MRPS30: variants seen among roughly 807,000 people sequenced by gnomAD.
The protein encoded by MRPS30 is large ribosomal subunit protein mL65.
Under a neutral mutation model 43.8 loss-of-function variants are expected in MRPS30, and 42 were observed. The ratio of observed to expected loss-of-function variants is 0.96; its 90% CI spans 0.75 to 1.24. MRPS30 has a LOEUF of 1.24. Among genes scored for constraint, MRPS30 ranks in the 50% most tolerant of loss-of-function variants. The probability of loss-of-function intolerance (pLI) is 0.00; values close to 1 mark genes in which losing one functional copy is unlikely to be tolerated. For synonymous variants in MRPS30, 273 were observed against 228.2 expected, an observed-to-expected ratio of 1.20 and a Z score of -1.77; for missense variants, 638 against 570.0, an observed-to-expected ratio of 1.12 and a Z score of -1.22.
chr5:44,809,719 A>C, intron 1 of MRPS30, 156 bp downstream of exon 1: 1 of 787,212 alleles, frequency 1.3e-6, no homozygotes, highest in South Asian at 1.9e-5. Flanking sequence ...GTTTTGTAAC[A>C]GTCACTGCGT....
chr5:44,813,271 C>G lies in MRPS30; in HGVS notation c.1019C>G (p.Ala340Gly). The G allele has an allele frequency of 6.3e-7, 1 of 1,587,144 alleles. No individual in the cohort carries two copies. The highest frequency in any genetic ancestry group is 1.2e-5 in the South Asian group (1 of 85,196). The change falls in exon 4 of 5, where the codon GCT (alanine) becomes GGT (glycine). Residue 340 changes from alanine (A) to glycine (G), a missense_variant. Ala to Gly is a moderately conservative substitution (Grantham distance 60). Coordinates refer to ENST00000507110, the MANE Select transcript of MRPS30 (RefSeq NM_016640.4). ...ASLFAWTGAQAMYQGFWSEAD... is the reference protein window; with the variant it reads ...ASLFAWTGAQGMYQGFWSEAD... ...CTTTTTGCTTGGACTGGAGCACAAG[C>G]TATGTATCAAGGTAAAAATTAATTT...
Position 44,809,430 on chromosome 5 carries a change from C to T in MRPS30, c.468C>T (p.Tyr156=), listed in dbSNP as rs373661125. 42 of 1,613,478 alleles carry T rather than the reference C, an allele frequency of 2.6e-5. No homozygotes were observed. The African/African-American group carries it at 4.4e-4, about 17-fold the overall frequency. ...ACTGCCTGCTGCAGGAGCACTTCTACCTGCGGCGCAGGCGGCGCGTGCACC... is the reference window on the plus strand; with the variant it reads ...ACTGCCTGCTGCAGGAGCACTTCTATCTGCGGCGCAGGCGGCGCGTGCACC... The part of the protein sequence containing the change: ...ACDCLLQEHF[Y]LRRRRRVHRY... The change falls in exon 1 of 5, where the codon TAC becomes TAT. Residue 156 remains tyrosine (Y), a synonymous_variant. Transcript: ENST00000507110.
At chr5:44,813,075 T>G in intron 3 of MRPS30, 31 bp from the exon 4 acceptor site, 1 of 1,601,724 alleles carries the variant, frequency 6.2e-7, no homozygotes, top group Non-Finnish European at 8.5e-7. Flanking sequence ...CATGTTTGTT[T>G]CATCTGAAAT....
At position 44,815,005 on chromosome 5, in the gene MRPS30, A is replaced by C. The variant is rs754143394; in HGVS notation, c.1123A>C (p.Asn375His). 6.2e-7 allele frequency: 1 copy of C among 1,613,850 alleles called. No individual in the cohort carries two copies. Among genetic ancestry groups the C allele is most frequent in the Non-Finnish European group, 8.5e-7 (1 of 1,179,782 alleles). The change falls in exon 5 of 5, where the codon AAT (asparagine) becomes CAT (histidine). Residue 375 changes from asparagine (N) to histidine (H), a missense_variant. Transcript: ENST00000507110. ...CTTTTCCTTTTTCTGCTACCAGCTA[A>C]ATACTTTGGCACTGACTACACAAGC... is the stretch of plus-strand genomic sequence containing the variant. ...KYFSFFCYQLNTLALTTQADQ... is the reference protein window; with the variant it reads ...KYFSFFCYQLHTLALTTQADQ...
rs757898081 is a variant in MRPS30, at chr5:44,809,563, G to A, written c.601G>A (p.Asp201Asn). ...HNPALAAAAL[D>N]YRCPVHFYWV... Reference sequence around the variant, plus strand: ...CCCGGCCCTGGCCGCTGCCGCCCTCGGTGAGCCTTGGATTCCGCCCCAGGG... The same window carrying A: ...CCCGGCCCTGGCCGCTGCCGCCCTCAGTGAGCCTTGGATTCCGCCCCAGGG... Residue 201 changes from aspartate (D) to asparagine (N), a missense_variant and splice_region_variant, in exon 1 of 5, where the codon GAT (aspartate) becomes AAT (asparagine). Asp to Asn is a conservative substitution (Grantham distance 23, BLOSUM62 1). Transcript: ENST00000507110. 13 of 1,589,820 alleles carry A rather than the reference G, an allele frequency of 8.2e-6. No individual in the cohort carries two copies. Among genetic ancestry groups the A allele is most frequent in the Non-Finnish European group, 1.1e-5 (13 of 1,168,612 alleles).
Position 44,809,733 on chromosome 5 carries a change from G to C in MRPS30, c.601+170G>C, listed in dbSNP as rs2111852074. 5.8e-6 allele frequency: 4 copies of C among 693,120 alleles called. 1 individual carries two copies. The South Asian group carries it at 6.0e-5, about 10-fold the overall frequency. The allele number at this position is 693,120 out of a possible 1,614,324, so 42.9% of individuals were successfully genotyped here. A position where few individuals can be genotyped will look rare whatever the true frequency, so the allele number is the denominator to read the frequency against. ...GGTTTTGTAACAGTCACTGCGTTAG[G>C]AATCTAGAGACTAGGTGTGTGTGGC... On this transcript the variant is annotated intron_variant, in intron 1 of 4. Transcript: ENST00000507110.
rs576930093 is a variant in MRPS30 at position 44,813,638 on chromosome 5, T to G, written c.1030+356T>G. ...AATATTTATATTACATCAATGGCTA[T>G]CCTATATAATTTCTTTAAAGGTTAT... On this transcript the variant is annotated intron_variant, in intron 4 of 4. Coordinates refer to ENST00000507110, the MANE Select transcript of MRPS30 (RefSeq NM_016640.4). 2.5e-4 allele frequency: 42 copies of G among 165,048 alleles called. 1 individual carries two copies. The highest frequency in any genetic ancestry group is 3.9e-4 in the Non-Finnish European group (30 of 77,260). 10.2% of individuals were successfully genotyped at this position (165,048 alleles called of 1,614,324 possible). A position where few individuals can be genotyped will look rare whatever the true frequency, so the allele number is the denominator to read the frequency against.
In MRPS30 at chr5:44,809,002, C is replaced by T. The variant is rs1394653113; in HGVS notation, c.40C>T (p.Pro14Ser). Residue 14 changes from proline to serine, a missense_variant, in exon 1 of 5, where the codon CCG becomes TCG. Physicochemically the swap from Pro to Ser is moderately conservative, Grantham distance 74 (BLOSUM62 -1). Transcript: ENST00000507110. ...GTGTTGGAGGCCTTTGCTACGCGGT[C>T]CGAGGCTTTCATTGCACACCGCGGC... ...ARCWRPLLRG[P>S]RLSLHTAANA... 1.4e-5 allele frequency: 22 copies of T among 1,609,326 alleles called. No individual in the cohort carries two copies. The highest frequency in any genetic ancestry group is 2.2e-5 in the East Asian group (1 of 44,722).
In MRPS30 at chr5:44,815,132, T is replaced by A. The variant is rs763189158; in HGVS notation, c.1250T>A (p.Val417Asp). The change falls in exon 5 of 5, where the codon GTT (valine) becomes GAT (aspartate). Residue 417 changes from valine (V) to aspartate (D), a missense_variant. Transcript: ENST00000507110. Reference sequence around the variant, plus strand: ...GATGTGAAAGGTTTTAATGATGATGTTCTACTTCAGATAGTTCACTTTCTA... The same window carrying A: ...GATGTGAAAGGTTTTAATGATGATGATCTACTTCAGATAGTTCACTTTCTA... ...DNDVKGFNDD[V>D]LLQIVHFLLN... 2.5e-6 allele frequency: 4 copies of A among 1,613,014 alleles called. No individual in the cohort carries two copies.
chr5:44,815,473 A>C lies in MRPS30; in HGVS notation c.*271A>C, dbSNP rs754409969. 1.5e-5 allele frequency: 4 copies of C among 268,416 alleles called. No individual in the cohort carries two copies. Among genetic ancestry groups the C allele is most frequent in the Non-Finnish European group, 2.8e-5 (4 of 141,852 alleles). 16.6% of individuals were successfully genotyped at this position (268,416 alleles called of 1,614,324 possible). A position where few individuals can be genotyped will look rare whatever the true frequency, so the allele number is the denominator to read the frequency against. On this transcript the variant is annotated 3_prime_UTR_variant, in exon 5 of 5. Transcript: ENST00000507110. The stretch of plus-strand genomic sequence containing the variant: ...ATTGAGCTATTAAATGCACATTTTA[A>C]TATAAATGCAGAAATCCCAAATAAA...
In MRPS30 at chr5:44,811,146, C is replaced by A. The variant is rs759870715; in HGVS notation, c.739C>A (p.Leu247Ile). 2.5e-6 allele frequency: 4 copies of A among 1,613,932 alleles called. No individual in the cohort carries two copies. In the South Asian group the frequency reaches 4.4e-5, roughly 18 times the overall value. ...PNNQIRISKQLAEFVPLDYSV... is the reference protein window; with the variant it reads ...PNNQIRISKQIAEFVPLDYSV... The stretch of plus-strand genomic sequence containing the variant: ...CAACCAGATTCGAATATCCAAGCAA[C>A]TCGCAGAGGTAAGGATTTATTGCGA... The change falls in exon 2 of 5, where the codon CTC becomes ATC. Residue 247 changes from leucine to isoleucine, a missense_variant. Physicochemically the swap from Leu to Ile is conservative, Grantham distance 5. Coordinates refer to ENST00000507110, the MANE Select transcript of MRPS30 (RefSeq NM_016640.4).
chr5:44,809,172 G>A lies in MRPS30; in HGVS notation c.210G>A (p.Val70=), dbSNP rs764565540. 1.9e-6 allele frequency: 3 copies of A among 1,612,132 alleles called. No homozygotes were observed. The highest frequency in any genetic ancestry group is 2.2e-5 in the East Asian group (1 of 44,832). ...LRRIERWQAT[V]HAAESVDEKL... ...GGATCGAGCGCTGGCAGGCGACGGTGCACGCTGCGGAGTCGGTAGACGAGA... is the reference window on the plus strand; with the variant it reads ...GGATCGAGCGCTGGCAGGCGACGGTACACGCTGCGGAGTCGGTAGACGAGA... Residue 70 remains valine (V), a synonymous_variant, in exon 1 of 5, where the codon GTG becomes GTA. Transcript: ENST00000507110.
At chr5:44,809,675 T>C in intron 1 of MRPS30, 112 bp downstream of exon 1, 1 of 1,232,650 alleles carries the variant, frequency 8.1e-7, no homozygotes, top group Non-Finnish European at 1.1e-6. Flanking sequence ...GTTCATGTTT[T>C]CCTAGTCCTT....
rs144501088 is a variant in MRPS30, at chr5:44,815,050, A to T, written c.1168A>T (p.Lys390Ter). 2.6e-4 allele frequency: 422 copies of T among 1,613,750 alleles called. No individual in the cohort carries two copies. The highest frequency in any genetic ancestry group is 3.1e-4 in the Non-Finnish European group (361 of 1,179,790). Reference sequence around the variant, plus strand: ...ACAAGCTGATCAAAATAACCCTCGTAAAAATATATGTTGGGGTACACAAAG... The same window carrying T: ...ACAAGCTGATCAAAATAACCCTCGTTAAAATATATGTTGGGGTACACAAAG... Reference protein sequence around the residue: ...TTQADQNNPRKNICWGTQSKP... With the variant: ...TTQADQNNPR Residue 390 changes from lysine to a stop codon, truncating the protein, a stop_gained, in exon 5 of 5, where the codon AAA (lysine) becomes TAA (stop). Transcript: ENST00000507110. LOFTEE classifies it high-confidence loss of function.
intron 1 of MRPS30, among the ~76,000 whole-genome samples, chr5:44,810,293 TA>T (rs1742816887): frequency 6.6e-6 from 1 of 152,136 alleles, no homozygotes; most frequent in Non-Finnish European, 1.5e-5. Flanking sequence ...GCTAAGAGAT[TA>T]GGGGGTCAAA....
intron 4 of MRPS30, 106 bp from the exon 5 acceptor site, chr5:44,814,807 A>C: frequency 3.0e-6 from 3 of 1,003,650 alleles, no homozygotes; most frequent in Admixed American, 2.5e-5. Context: ...TACATAAAGT[A>C]TCTAAGTTGT....
intron 4 of MRPS30, 80 bp downstream of exon 4, chr5:44,813,362 G>A (rs1024162513): frequency 8.1e-7 from 1 of 1,230,428 alleles, no homozygotes; most frequent in Non-Finnish European, 1.1e-6. Context: ...TTTTTCTTTG[G>A]GTTAAAACAT....
At chr5:44,813,344 G>C in intron 4 of MRPS30, 62 bp downstream of exon 4, 1 of 1,394,948 alleles carries the variant, frequency 7.2e-7, no homozygotes, top group Non-Finnish European at 9.5e-7. Context: ...GAATATAATG[G>C]TTAAAATTTT....
In MRPS30 at chr5:44,815,436, A is replaced by G; in HGVS notation, c.*234A>G. On this transcript the variant is annotated 3_prime_UTR_variant, in exon 5 of 5. Coordinates refer to ENST00000507110, the MANE Select transcript of MRPS30 (RefSeq NM_016640.4). ...CATTTGTATATTGCTAACTGATAAG[A>G]CAAATTGAGTTATTGAGCTATTAAA... The G allele has an allele frequency of 2.7e-6, 1 of 374,516 alleles. No homozygotes were observed. The highest frequency in any genetic ancestry group is 4.8e-6 in the Non-Finnish European group (1 of 209,444). 23.2% of individuals were successfully genotyped at this position (374,516 alleles called of 1,614,324 possible).
Sources: allele counts gnomAD v4.1 joint callset (sites outside exome capture counted in the v4.1 genomes callset), GRCh38; gene constraint gnomAD v4.1.1; transcripts MANE v1.5; gene names NCBI Gene and HGNC (gene_info 2026-07-23, HGNC 2026-07-21).